FRAS1: variants seen among roughly 807,000 people sequenced by gnomAD.
FRAS1 encodes Fraser extracellular matrix complex subunit 1.
In FRAS1, 290 loss-of-function variants were observed where a neutral mutation model predicts 435.2. The observed-to-expected ratio is 0.67, with a 90% CI of 0.61 to 0.73. FRAS1 has a LOEUF of 0.73. FRAS1 is among the 30% of genes least tolerant of loss of function. FRAS1 has a pLI of 0.00. For missense variants in FRAS1, 4,860 were observed against 5,001.5 expected (o/e 0.97, Z 0.85); for synonymous variants, 1,800 against 1,851.0 (o/e 0.97, Z 0.71).
chr4:78,508,649 G>A (rs1720925768), intron 62 of FRAS1, 82 bp from the exon 63 acceptor site: 6 of 1,393,458 alleles, frequency 4.3e-6, no homozygotes, highest in South Asian at 3.8e-5. Flanking sequence ...AAGAGATCTT[G>A]TGGATCTCTA....
At chr4:78,393,194 T>G (rs186968858) in intron 29 of FRAS1, among the ~76,000 whole-genome samples, 216 of 152,146 alleles carry the variant, frequency 1.4e-3, no homozygotes, top group African/African-American at 5.1e-3. Flanking sequence ...GTTTACTAAT[T>G]TTATGTATTT....
chr4:78,391,537 A>G (rs1578294000), intron 29 of FRAS1, among the ~76,000 whole-genome samples: 1 of 152,172 alleles, frequency 6.6e-6, no homozygotes, highest in Non-Finnish European at 1.5e-5. Context: ...TCTGTCTACT[A>G]CTGGGGTTTC....
intron 14 of FRAS1, among the ~76,000 whole-genome samples, chr4:78,303,952 T>C (rs1728562202): frequency 1.3e-5 from 2 of 151,870 alleles, no homozygotes. Flanking sequence ...AAGGGAATGC[T>C]TCCAGTTTTT....
At chr4:78,200,551 T>C (rs555746067) in intron 2 of FRAS1, among the ~76,000 whole-genome samples, 2 of 152,282 alleles carry the variant, frequency 1.3e-5, no homozygotes, top group African/African-American at 4.8e-5. Context: ...CTTTCACCTT[T>C]TTCTCTGTGT....
At chr4:78,521,478 G>A in intron 67 of FRAS1, 45 bp from the exon 68 acceptor site, 1 of 1,386,622 alleles carries the variant, frequency 7.2e-7, no homozygotes, top group Non-Finnish European at 1.0e-6. Flanking sequence ...CTGTCAGGGA[G>A]GAATTTTCCA....
At chr4:78,194,417 T>G (rs952778915) in intron 2 of FRAS1, among the ~76,000 whole-genome samples, 5 of 152,222 alleles carry the variant, frequency 3.3e-5, no homozygotes, top group African/African-American at 1.2e-4. Context: ...ACCAATCAGA[T>G]GTAGATTTGG....
rs184681663 is a variant in FRAS1, at chr4:78,086,462, G to A, written c.108+20446G>A. On this transcript the variant is annotated intron_variant, in intron 2 of 73. Transcript: ENST00000512123. The stretch of plus-strand genomic sequence containing the variant: ...GAAGGAGATAGAGACACAAAAAACC[G>A]TTCAAAAAATCAATGAATCCAGGAG... Among the ~76,000 whole-genome samples, 77 of 151,858 alleles carry A rather than the reference G, an allele frequency of 5.1e-4. 1 individual carries two copies. The East Asian group carries it at 0.011, about 23-fold the overall frequency.
At chr4:78,239,435 C>G (rs891820778) in intron 3 of FRAS1, among the ~76,000 whole-genome samples, 2 of 152,120 alleles carry the variant, frequency 1.3e-5, no homozygotes, top group African/African-American at 4.8e-5. Flanking sequence ...ACAATAGCCT[C>G]TTAACTGGTT....
intron 6 of FRAS1, among the ~76,000 whole-genome samples, chr4:78,260,072 T>TG (rs1726006239): frequency 6.6e-6 from 1 of 152,076 alleles, no homozygotes; most frequent in African/African-American, 2.4e-5. Context: ...ATCTCTGTTT[T>TG]GGTACCAGTA....
rs755457454 is a variant in FRAS1 at position 78,489,099 on chromosome 4, G to A, written c.8958+19G>A. On this transcript the variant is annotated intron_variant, in intron 59 of 73. Coordinates refer to ENST00000512123, the MANE Select transcript of FRAS1 (RefSeq NM_025074.7). ...GGACAAAGTAAGTGGATTGGTGGTG[G>A]CTGAAAGATGAGATTCTCTTATTGT... The A allele has an allele frequency of 7.5e-6, 12 of 1,594,376 alleles. No individual in the cohort carries two copies. In the Admixed American group the frequency reaches 8.4e-5, roughly 11 times the overall value.
At position 78,387,711 on chromosome 4, in the gene FRAS1, A is replaced by G; in HGVS notation, c.3975+10A>G. The G allele has an allele frequency of 6.7e-7, 1 of 1,486,988 alleles. No individual in the cohort carries two copies. Among genetic ancestry groups the G allele is most frequent in the Non-Finnish European group, 9.0e-7 (1 of 1,112,536 alleles). 92.1% of individuals were successfully genotyped at this position (1,486,988 alleles called of 1,614,324 possible). A position where few individuals can be genotyped will look rare whatever the true frequency, so the allele number is the denominator to read the frequency against. ...GAAGACCGTGCCTCAGGTAGGTGTCATTCCTAGAGTTACAGTTTCTTTGCA... is the reference window on the plus strand; with the variant it reads ...GAAGACCGTGCCTCAGGTAGGTGTCGTTCCTAGAGTTACAGTTTCTTTGCA... On this transcript the variant is annotated intron_variant, in intron 29 of 73. Coordinates refer to ENST00000512123, the MANE Select transcript of FRAS1 (RefSeq NM_025074.7).
chr4:78,094,520 T>C (rs1741695263), intron 2 of FRAS1, among the ~76,000 whole-genome samples: 1 of 152,130 alleles, frequency 6.6e-6, no homozygotes, highest in African/African-American at 2.4e-5. Flanking sequence ...ATAATTTTTC[T>C]GACTTTTATC....
intron 2 of FRAS1, among the ~76,000 whole-genome samples, chr4:78,081,175 A>G (rs866557705): frequency 6.6e-6 from 1 of 152,110 alleles, no homozygotes; most frequent in Non-Finnish European, 1.5e-5. Flanking sequence ...GGGCAACAAC[A>G]GGTTCCCTGA....
intron 25 of FRAS1, 39 bp downstream of exon 25, chr4:78,374,290 G>A: frequency 6.5e-7 from 1 of 1,535,074 alleles, no homozygotes; most frequent in Non-Finnish European, 8.9e-7. Context: ...AAAGAAGTGA[G>A]GGCAGCAAGT....
intron 47 of FRAS1, among the ~76,000 whole-genome samples, chr4:78,453,333 G>C (rs1367565596): frequency 2.6e-5 from 4 of 152,284 alleles, no homozygotes; most frequent in South Asian, 2.1e-4. Context: ...TAGAGCAGCA[G>C]CCATGAGAAT....
chr4:78,115,352 T>G (rs1424828243), intron 2 of FRAS1, among the ~76,000 whole-genome samples: 1 of 152,186 alleles, frequency 6.6e-6, no homozygotes, highest in Non-Finnish European at 1.5e-5. Flanking sequence ...ATAAAATAAC[T>G]TAGGGAGGAT....
At chr4:78,521,718 A>T in intron 68 of FRAS1, 88 bp downstream of exon 68, 1 of 795,590 alleles carries the variant, frequency 1.3e-6, no homozygotes, top group Non-Finnish European at 2.1e-6. Flanking sequence ...ACAGTAAAAA[A>T]CAGTCAACAA....
chr4:78,424,332 ATCTC>A (rs1358403901), intron 34 of FRAS1, 52 bp from the exon 35 acceptor site: 2 of 918,132 alleles, frequency 2.2e-6, no homozygotes, highest in African/African-American at 3.4e-5. Context: ...TACCTTTCCT[ATCTC>A]TCTCTGATCC....
intron 35 of FRAS1, 82 bp from the exon 36 acceptor site, chr4:78,429,013 T>A (rs1485282278): frequency 1.2e-5 from 18 of 1,452,126 alleles, no homozygotes; most frequent in Non-Finnish European, 1.7e-5. Flanking sequence ...AGGACCAGAC[T>A]ACAAGTTGAT....
Sources: gnomAD v4.1 joint callset for allele counts (sites outside exome capture counted in the v4.1 genomes callset) on GRCh38, gnomAD v4.1.1 for gene constraint, MANE v1.5 for transcripts, NCBI Gene and HGNC (gene_info 2026-07-23, HGNC 2026-07-21) for gene names.